Variants in TBC1D4 observed in about 807,000 individuals in gnomAD.
TBC1D4 encodes TBC (Tre-2, BUB2, CDC16) domain-containing protein.
In TBC1D4, 121 loss-of-function variants were observed where a neutral mutation model predicts 142.5. That is an observed-to-expected ratio of 0.85 (90% CI 0.73 to 0.99). The LOEUF (loss-of-function observed/expected upper bound fraction) is 0.99. TBC1D4 is among the 50% of genes least tolerant of loss of function. The pLI, the probability that TBC1D4 is intolerant of heterozygous loss-of-function variation, is 0.00. For missense variants in TBC1D4, 1,475 were observed against 1,606.6 expected, an observed-to-expected ratio of 0.92 and a Z score of 1.40; for synonymous variants, 630 against 628.2, an observed-to-expected ratio of 1.00 and a Z score of -0.04.
intron 1 of TBC1D4, among the ~76,000 whole-genome samples, chr13:75,436,241 G>A (rs1337179003): frequency 1.3e-5 from 2 of 152,094 alleles, no homozygotes; most frequent in Admixed American, 6.6e-5. Flanking sequence ...GTGGAACCGT[G>A]AGTCCATTCA....
At chr13:75,478,907 A>G (rs1888723097) in intron 1 of TBC1D4, among the ~76,000 whole-genome samples, 1 of 152,250 alleles carries the variant, frequency 6.6e-6, no homozygotes, top group African/African-American at 2.4e-5. Flanking sequence ...ATGGATCTCT[A>G]AAGCCATCTC....
chr13:75,365,726 G>A (rs923298077), intron 1 of TBC1D4, among the ~76,000 whole-genome samples: 16 of 151,922 alleles, frequency 1.1e-4, no homozygotes, highest in African/African-American at 3.1e-4. Flanking sequence ...CTGTACCATC[G>A]TACCATAAGC....
intron 10 of TBC1D4, among the ~76,000 whole-genome samples, chr13:75,324,879 T>A (rs896832701): frequency 6.6e-6 from 1 of 152,222 alleles, no homozygotes; most frequent in African/African-American, 2.4e-5. Context: ...TGCCTTTGGC[T>A]TAACAAACAT....
At chr13:75,304,808 G>A (rs1876997457) in intron 15 of TBC1D4, among the ~76,000 whole-genome samples, 1 of 152,086 alleles carries the variant, frequency 6.6e-6, no homozygotes, top group Non-Finnish European at 1.5e-5. Flanking sequence ...TAAGGAAGAA[G>A]GAGAATAGGG....
Position 75,456,723 on chromosome 13 carries a change from T to G in TBC1D4, c.498+24547A>C, listed in dbSNP as rs1222240721. Among the ~76,000 whole-genome samples, 5 of 149,836 alleles carry G rather than the reference T, an allele frequency of 3.3e-5. No individual in the cohort carries two copies. The South Asian group carries it at 1.1e-3, about 32-fold the overall frequency. ...GGGAGTAGAAACTGGTCCAACACTC[T>G]GGAAACCTGGCAGTATCTAGTAAGC... On this transcript the variant is annotated intron_variant, in intron 1 of 20. Transcript: ENST00000377636.
intron 1 of TBC1D4, among the ~76,000 whole-genome samples, chr13:75,476,690 T>G (rs1888643141): frequency 1.3e-5 from 2 of 152,242 alleles, no homozygotes; most frequent in African/African-American, 4.8e-5. Context: ...CTTTCAAGTC[T>G]GAGAAAGACT....
At chr13:75,419,496 C>T (rs1011831818) in intron 1 of TBC1D4, among the ~76,000 whole-genome samples, 3 of 152,040 alleles carry the variant, frequency 2.0e-5, no homozygotes, top group Non-Finnish European at 2.9e-5. Flanking sequence ...ATGAGGCATA[C>T]CTCGAAGTTG....
At chr13:75,348,871 A>G (rs1881357528) in intron 5 of TBC1D4, among the ~76,000 whole-genome samples, 1 of 152,062 alleles carries the variant, frequency 6.6e-6, no homozygotes, top group African/African-American at 2.4e-5. Flanking sequence ...AGTCTTAAAA[A>G]CTGTGGGAAA....
At chr13:75,446,714 G>A (rs556558540) in intron 1 of TBC1D4, among the ~76,000 whole-genome samples, 3 of 152,280 alleles carry the variant, frequency 2.0e-5, no homozygotes, top group East Asian at 1.9e-4. Flanking sequence ...GTTTCACAGT[G>A]TATACTGAAG....
intron 8 of TBC1D4, among the ~76,000 whole-genome samples, chr13:75,335,772 G>T (rs1339580119): frequency 1.3e-5 from 2 of 152,048 alleles, no homozygotes; most frequent in East Asian, 3.9e-4. Flanking sequence ...ACCATGATTG[G>T]AAGCTTCCTG....
chr13:75,357,216 C>T (rs887469972), intron 3 of TBC1D4, among the ~76,000 whole-genome samples: 2 of 151,890 alleles, frequency 1.3e-5, no homozygotes, highest in African/African-American at 4.8e-5. Context: ...AATGGTTGCC[C>T]CTATTTTGTT....
At chr13:75,376,264 C>A (rs936773994) in intron 1 of TBC1D4, among the ~76,000 whole-genome samples, 1 of 152,180 alleles carries the variant, frequency 6.6e-6, no homozygotes, top group Admixed American at 6.5e-5. Context: ...CTATTCCTTT[C>A]CACCCAAAGA....
At position 75,481,505 on chromosome 13, in the gene TBC1D4, G is replaced by C; in HGVS notation, c.263C>G (p.Ala88Gly). The change falls in exon 1 of 21, where the codon GCG becomes GGG. Residue 88 changes from alanine to glycine, a missense_variant. Ala to Gly is a moderately conservative substitution (Grantham distance 60). Transcript: ENST00000377636. The stretch of plus-strand genomic sequence containing the variant: ...CGCGGGGACGCAACGCAGGAAGGGC[G>C]CGCTGAGCACCAGGATCACCTCTCG... ...AAREVILVLS[A>G]PFLRCVPAPG... The C allele has an allele frequency of 1.2e-6, 2 of 1,611,942 alleles. No individual in the cohort carries two copies. Among genetic ancestry groups the C allele is most frequent in the Non-Finnish European group, 1.7e-6 (2 of 1,178,928 alleles).
chr13:75,319,282 GT>G (rs1429971189), intron 12 of TBC1D4, among the ~76,000 whole-genome samples: 1 of 152,148 alleles, frequency 6.6e-6, no homozygotes, highest in Admixed American at 6.5e-5. Flanking sequence ...AATCTAAATA[GT>G]GGCCCCAAAT....
At chr13:75,399,648 C>T (rs1884981359) in intron 1 of TBC1D4, among the ~76,000 whole-genome samples, 1 of 152,142 alleles carries the variant, frequency 6.6e-6, no homozygotes, top group South Asian at 2.1e-4. Flanking sequence ...CTGTGTTTTG[C>T]CTTTGAAGAA....
chr13:75,336,994 CT>C lies in TBC1D4; in HGVS notation c.1657del (p.Arg553GlyfsTer7). 4 of 1,613,182 alleles carry C rather than the reference CT, an allele frequency of 2.5e-6. No homozygotes were observed. The highest frequency in any genetic ancestry group is 3.4e-6 in the Non-Finnish European group (4 of 1,179,500). ...ATTTTTCAGAATGTCAAGTTTGAAC[CT>C]TCCACTGCTTGTTGCATTTTCTGGG... Reference protein sequence around the residue: ...TIPENATSSGRFKLDILKNKA... With the variant: ...TIPENATSSGXFKLDILKNKA... On this transcript the variant is annotated frameshift_variant, in exon 8 of 21. Coordinates refer to ENST00000377636, the MANE Select transcript of TBC1D4 (RefSeq NM_014832.5). LOFTEE classifies it high-confidence loss of function.
chr13:75,304,093 G>A (rs914288961), intron 15 of TBC1D4, among the ~76,000 whole-genome samples: 1 of 152,146 alleles, frequency 6.6e-6, no homozygotes, highest in Non-Finnish European at 1.5e-5. Flanking sequence ...CTTGAGAATA[G>A]CAAGCATATT....
At position 75,324,236 on chromosome 13, in the gene TBC1D4, C is replaced by A. The variant is rs772393976; in HGVS notation, c.2198+1G>T. On this transcript the variant is annotated splice_donor_variant, in intron 11 of 20. Coordinates refer to ENST00000377636, the MANE Select transcript of TBC1D4 (RefSeq NM_014832.5). LOFTEE classifies it high-confidence loss of function. ...TTGCAAACAGAGGACACTGATCTCACCTGATTTCATTTTCATACTGTGGGG... is the reference window on the plus strand; with the variant it reads ...TTGCAAACAGAGGACACTGATCTCAACTGATTTCATTTTCATACTGTGGGG... 1 of 1,613,620 alleles carries A rather than the reference C, an allele frequency of 6.2e-7. No homozygotes were observed. The highest frequency in any genetic ancestry group is 1.7e-5 in the Admixed American group (1 of 59,988).
intron 13 of TBC1D4, among the ~76,000 whole-genome samples, chr13:75,311,833 A>G (rs1196001072): frequency 6.6e-6 from 1 of 152,232 alleles, no homozygotes; most frequent in Admixed American, 6.5e-5. Flanking sequence ...GTACATAATT[A>G]CATTTTATGA....
Sources: gnomAD v4.1 joint callset for allele counts (sites outside exome capture counted in the v4.1 genomes callset) on GRCh38, gnomAD v4.1.1 for gene constraint, MANE v1.5 for transcripts, NCBI Gene and HGNC (gene_info 2026-07-23, HGNC 2026-07-21) for gene names.